Variants in TMEM232 observed in about 807,000 individuals in gnomAD.
The protein encoded by TMEM232 is transmembrane protein 232.
TMEM232 carries 80 observed loss-of-function variants against 78.8 expected under a neutral mutation model. The observed-to-expected ratio is 1.01, with a 90% CI of 0.85 to 1.22. The LOEUF (loss-of-function observed/expected upper bound fraction) is 1.22. TMEM232 is among the 50% of genes most tolerant of loss of function. TMEM232 has a pLI of 0.00. For synonymous variants in TMEM232, 297 were observed against 254.3 expected, an observed-to-expected ratio of 1.17 and a Z score of -1.60; for missense variants, 881 against 742.2, an observed-to-expected ratio of 1.19 and a Z score of -2.17.
intron 2 of TMEM232, among the ~76,000 whole-genome samples, chr5:110,652,318 A>ACACACACACACACAC (rs1257447905): frequency 6.6e-6 from 1 of 151,992 alleles, no homozygotes; most frequent in Non-Finnish European, 1.5e-5. Context: ...ACACACACAC[A>ACACACACACACACAC]CACTATCCAG....
At chr5:110,533,314 G>A (rs572362364) in intron 11 of TMEM232, among the ~76,000 whole-genome samples, 10 of 152,252 alleles carry the variant, frequency 6.6e-5, no homozygotes, top group East Asian at 3.9e-4. Flanking sequence ...CCTGCTGATC[G>A]TGTCCGATTA....
intron 1 of TMEM232, among the ~76,000 whole-genome samples, chr5:110,703,000 G>C (rs1247644381): frequency 1.3e-5 from 2 of 151,964 alleles, no homozygotes; most frequent in African/African-American, 4.8e-5. Flanking sequence ...CCTCCTCCTA[G>C]AAGCCATCCA....
chr5:110,535,637 C>A (rs1270204454), intron 11 of TMEM232, among the ~76,000 whole-genome samples: 1 of 151,994 alleles, frequency 6.6e-6, no homozygotes, highest in African/African-American at 2.4e-5. Context: ...TTTTTTTACT[C>A]AAAATATAGT....
intron 1 of TMEM232, among the ~76,000 whole-genome samples, chr5:110,680,520 C>T (rs575828342): frequency 1.0e-4 from 15 of 148,832 alleles, no homozygotes; most frequent in Admixed American, 6.7e-5. Context: ...GTAGAATAAT[C>T]TTTTTCTTGG....
At chr5:110,456,763 C>T (rs1024578259) in intron 12 of TMEM232, among the ~76,000 whole-genome samples, 5 of 151,954 alleles carry the variant, frequency 3.3e-5, no homozygotes, top group African/African-American at 1.2e-4. Flanking sequence ...AATGCAATTA[C>T]AATGGATAAA....
In TMEM232 at chr5:110,470,702, C is replaced by A. The variant is rs79156941; in HGVS notation, c.1704-45786G>T. Among the ~76,000 whole-genome samples the A allele has an allele frequency of 6.2e-3, 948 of 152,276 alleles. 8 individuals are homozygous for A. Among genetic ancestry groups the A allele is most frequent in the African/African-American group, 0.022 (899 of 41,558 alleles). On this transcript the variant is annotated intron_variant, in intron 12 of 13. Transcript: ENST00000455884. ...TAGAACCAGAGTCAGCACACCCTTC[C>A]TAACCAGGACATTAAGACCCATTTT... is the stretch of plus-strand genomic sequence containing the variant.
chr5:110,420,387 T>C lies in TMEM232; in HGVS notation c.*193A>G, dbSNP rs1756511720. On this transcript the variant is annotated 3_prime_UTR_variant, in exon 14 of 14. Transcript: ENST00000455884. ...CACTTCATTCAAGTGTGATTAAAAG[T>C]TGGTCATTAATTTAGAACTAAGAAA... 1 of 438,278 alleles carries C rather than the reference T, an allele frequency of 2.3e-6. No homozygotes were observed. The highest frequency in any genetic ancestry group is 2.1e-5 in the African/African-American group (1 of 48,386). The allele number at this position is 438,278 out of a possible 1,614,324, so 27.1% of individuals were successfully genotyped here.
intron 12 of TMEM232, among the ~76,000 whole-genome samples, chr5:110,524,098 A>G (rs1237671402): frequency 2.0e-5 from 3 of 151,346 alleles, no homozygotes; most frequent in African/African-American, 4.9e-5. Flanking sequence ...CGCCGTCTCT[A>G]CTGAAAATAC....
At chr5:110,698,282 G>A (rs1240901745) in intron 1 of TMEM232, among the ~76,000 whole-genome samples, 3 of 151,842 alleles carry the variant, frequency 2.0e-5, no homozygotes, top group Admixed American at 2.0e-4. Flanking sequence ...ACCAGGGACT[G>A]TTGTGGGGTG....
chr5:110,489,913 C>T (rs1764850132), intron 12 of TMEM232, among the ~76,000 whole-genome samples: 1 of 151,850 alleles, frequency 6.6e-6, no homozygotes, highest in East Asian at 1.9e-4. Context: ...ATCACAAGGT[C>T]AAGAGATTGA....
intron 3 of TMEM232, chr5:110,397,734 A>T (rs577725537): frequency 6.5e-6 from 1 of 152,742 alleles, no homozygotes; most frequent in Middle Eastern, 3.4e-3. Context: ...CTGTTAAAGT[A>T]AAAATTATTG....
chr5:110,693,857 G>T (rs1440457035), intron 1 of TMEM232, among the ~76,000 whole-genome samples: 2 of 152,152 alleles, frequency 1.3e-5, no homozygotes, highest in African/African-American at 4.8e-5. Context: ...CGGGGAGAAT[G>T]GAACCAAGTT....
rs972136812 is a variant in TMEM232, at chr5:110,403,662, G to C, written n.309-5808C>G. Among the ~76,000 whole-genome samples the C allele has an allele frequency of 9.2e-5, 14 of 152,150 alleles. No homozygotes were observed. In the East Asian group the frequency reaches 2.3e-3, roughly 25 times the overall value. ...ACAATAGAAACACATAGGGATTTGG[G>C]CTGATTAAGTCAAAATCTAGTTGAG... On this transcript the variant is annotated intron_variant and non_coding_transcript_variant, in intron 2 of 8. Coordinates refer to the TMEM232 transcript ENST00000507188.
intron 2 of TMEM232, among the ~76,000 whole-genome samples, chr5:110,664,493 G>T (rs891726588): frequency 1.3e-5 from 2 of 152,212 alleles, no homozygotes; most frequent in African/African-American, 4.8e-5. Context: ...AGCACATATG[G>T]TTAAACAGCT....
rs1459800404 is a variant in TMEM232 at position 110,420,392 on chromosome 5, C to T, written c.*188G>A. ...CATTCAAGTGTGATTAAAAGTTGGT[C>T]ATTAATTTAGAACTAAGAAATAACT... On this transcript the variant is annotated 3_prime_UTR_variant, in exon 14 of 14. Coordinates refer to ENST00000455884, the MANE Select transcript of TMEM232 (RefSeq NM_001039763.4). The T allele has an allele frequency of 2.2e-6, 1 of 446,342 alleles. No homozygotes were observed. The highest frequency in any genetic ancestry group is 2.1e-5 in the African/African-American group (1 of 48,562). The allele number at this position is 446,342 out of a possible 1,614,324, so 27.6% of individuals were successfully genotyped here.
chr5:110,674,976 T>G (rs1394144808), intron 1 of TMEM232, among the ~76,000 whole-genome samples: 6 of 152,200 alleles, frequency 3.9e-5, no homozygotes, highest in Admixed American at 3.9e-4. Context: ...TAGCTCTGAA[T>G]GGAATAAAAC....
At chr5:110,640,213 T>C (rs2150012017) in intron 4 of TMEM232, among the ~76,000 whole-genome samples, 1 of 152,304 alleles carries the variant, frequency 6.6e-6, no homozygotes, top group Non-Finnish European at 1.5e-5. Flanking sequence ...TAAAGGCAAG[T>C]TAAATACAAA....
chr5:110,729,246 G>A (rs542465039), upstream of TMEM232, among the ~76,000 whole-genome samples: 4 of 152,234 alleles, frequency 2.6e-5, no homozygotes, highest in East Asian at 7.7e-4. Flanking sequence ...AATATTTTAA[G>A]TTTCCTAAAC....
In TMEM232 at chr5:110,696,178, T is replaced by C. The variant is rs144898605; in HGVS notation, c.-12-28814A>G. On this transcript the variant is annotated intron_variant, in intron 1 of 13. Transcript: ENST00000455884. Reference sequence around the variant, plus strand: ...GAAAATCAATAAACGTAATCCAGCATATAAAGAGAACCAAAGACAAAAATC... The same window carrying C: ...GAAAATCAATAAACGTAATCCAGCACATAAAGAGAACCAAAGACAAAAATC... Among the ~76,000 whole-genome samples, 724 of 152,270 alleles carry C rather than the reference T, an allele frequency of 4.8e-3. 6 individuals carry two copies. Among genetic ancestry groups the C allele is most frequent in the Non-Finnish European group, 5.5e-3 (374 of 68,018 alleles).
Sources: allele counts gnomAD v4.1 joint callset (sites outside exome capture counted in the v4.1 genomes callset), GRCh38; gene constraint gnomAD v4.1.1; transcripts MANE v1.5; gene names NCBI Gene and HGNC (gene_info 2026-07-23, HGNC 2026-07-21).